PTPRD: variants seen among roughly 807,000 people sequenced by gnomAD.
The protein encoded by PTPRD is receptor-type tyrosine-protein phosphatase delta.
In PTPRD, 34 loss-of-function variants were observed where a neutral mutation model predicts 214.5. That is an observed-to-expected ratio of 0.16 (90% CI 0.12 to 0.21). PTPRD has a LOEUF of 0.21. Among genes scored for constraint, PTPRD ranks in the 10% least tolerant of loss-of-function variants. The pLI, the probability that PTPRD is intolerant of heterozygous loss-of-function variation, is 1.00. For synonymous variants in PTPRD, 1,128 were observed against 845.7 expected (o/e 1.33, Z -5.79); for missense variants, 2,545 against 2,398.7 (o/e 1.06, Z -1.27).
At chr9:9,906,687 T>C (rs891810066) in intron 5 of PTPRD, among the ~76,000 whole-genome samples, 1 of 152,000 alleles carries the variant, frequency 6.6e-6, no homozygotes, top group Admixed American at 6.6e-5. Context: ...TAGAATGTAT[T>C]ATATGTAGAC....
At chr9:9,601,690 G>T (rs976578935) in intron 7 of PTPRD, among the ~76,000 whole-genome samples, 3 of 151,984 alleles carry the variant, frequency 2.0e-5, no homozygotes, top group Non-Finnish European at 4.4e-5. Flanking sequence ...AATAATAAGG[G>T]ACTACTGTGT....
Position 9,076,788 on chromosome 9 carries a change from T to A in PTPRD, c.-142-58053A>T, listed in dbSNP as rs554130171. Among the ~76,000 whole-genome samples the A allele has an allele frequency of 3.3e-3, 377 of 112,948 alleles. 6 individuals carry two copies. Among genetic ancestry groups the A allele is most frequent in the Non-Finnish European group, 2.8e-3 (142 of 50,114 alleles). The allele number at this position is 112,948 out of a possible 152,430, so 74.1% of individuals were successfully genotyped here. The stretch of plus-strand genomic sequence containing the variant: ...TGCAGATATCTCTTCAATATGATAA[T>A]TTCCTTTTTTTTTTTTTTGGTTATA... On this transcript the variant is annotated intron_variant, in intron 10 of 45. Transcript: ENST00000381196.
Position 8,317,827 on chromosome 9 carries a change from G to A in PTPRD, c.*47C>T, listed in dbSNP as rs990927572. 1.0e-5 allele frequency: 16 copies of A among 1,558,568 alleles called. 1 individual carries two copies. The highest frequency in any genetic ancestry group is 1.4e-5 in the Non-Finnish European group (16 of 1,130,536). The stretch of plus-strand genomic sequence containing the variant: ...CTGTATGGCTCAGAAGAGACTCCAT[G>A]GATATTGAAGGGCCTGTAGTAAAAA... On this transcript the variant is annotated 3_prime_UTR_variant, in exon 46 of 46. Transcript: ENST00000381196.
At chr9:8,610,925 T>C (rs1188853161) in intron 14 of PTPRD, among the ~76,000 whole-genome samples, 1 of 152,166 alleles carries the variant, frequency 6.6e-6, no homozygotes, top group Non-Finnish European at 1.5e-5. Context: ...TGAAAGTAAG[T>C]TTTTCTAAGC....
intron 9 of PTPRD, among the ~76,000 whole-genome samples, chr9:9,373,047 T>C (rs749268665): frequency 2.1e-4 from 32 of 152,098 alleles, no homozygotes; most frequent in Non-Finnish European, 4.0e-4. Context: ...GTTATGTATC[T>C]TTAATTGCCA....
intron 8 of PTPRD, among the ~76,000 whole-genome samples, chr9:9,429,199 T>C (rs532603053): frequency 6.6e-6 from 1 of 151,738 alleles, no homozygotes; most frequent in South Asian, 2.1e-4. Context: ...AATAGAACAA[T>C]AAAAAATGAC....
Position 8,500,558 on chromosome 9 carries a change from G to GAAAAAAAAAAAAAAAAAAAAA in PTPRD, c.2128+175_2128+195dup, listed in dbSNP as rs146807692. ...TTACTGCATTGAGATTGAAAAAAAT[G>GAAAAAAAAAAAAAAAAAAAAA]AAAAAAAAAAAAAAAAAAAAAAAAA... is the stretch of plus-strand genomic sequence containing the variant. On this transcript the variant is annotated intron_variant, in intron 24 of 45. Transcript: ENST00000381196. 8.4e-4 allele frequency among the ~76,000 whole-genome samples: 12 copies of GAAAAAAAAAAAAAAAAAAAAA among 14,314 alleles called. 4 individuals are homozygous for GAAAAAAAAAAAAAAAAAAAAA. The highest frequency in any genetic ancestry group is 2.2e-3 in the African/African-American group (7 of 3,192). The allele number at this position is 14,314 out of a possible 152,430, so 9.4% of individuals were successfully genotyped here.
At chr9:10,453,132 T>C (rs530860808) in intron 2 of PTPRD, among the ~76,000 whole-genome samples, 3 of 151,722 alleles carry the variant, frequency 2.0e-5, no homozygotes, top group Non-Finnish European at 4.4e-5. Context: ...TGCCCATATA[T>C]AGATGATTTT....
At chr9:9,772,473 T>C (rs1211132731) in intron 5 of PTPRD, among the ~76,000 whole-genome samples, 1 of 152,160 alleles carries the variant, frequency 6.6e-6, no homozygotes, top group Non-Finnish European at 1.5e-5. Flanking sequence ...ATTTTACATT[T>C]AACATTTATC....
At chr9:10,372,293 G>A (rs369158361) in intron 2 of PTPRD, among the ~76,000 whole-genome samples, 29 of 152,080 alleles carry the variant, frequency 1.9e-4, no homozygotes, top group African/African-American at 6.7e-4. Context: ...AATGCCCTCT[G>A]TTTTGTTGTT....
chr9:9,495,838 G>A (rs1384059935), intron 8 of PTPRD, among the ~76,000 whole-genome samples: 2 of 152,178 alleles, frequency 1.3e-5, no homozygotes, highest in Non-Finnish European at 2.9e-5. Flanking sequence ...CACCCCACGT[G>A]ATGAGGCAAT....
At chr9:9,261,745 G>A (rs2099980209) in intron 9 of PTPRD, among the ~76,000 whole-genome samples, 1 of 151,632 alleles carries the variant, frequency 6.6e-6, no homozygotes, top group Admixed American at 6.6e-5. Flanking sequence ...AAGAGCTTGA[G>A]TAAGATCATT....
rs540005045 is a variant in PTPRD at position 10,144,273 on chromosome 9, C to T, written c.-544-110483G>A. Among the ~76,000 whole-genome samples the T allele has an allele frequency of 3.3e-5, 5 of 152,086 alleles. No individual in the cohort carries two copies. The South Asian group carries it at 1.0e-3, about 32-fold the overall frequency. On this transcript the variant is annotated intron_variant, in intron 3 of 45. Transcript: ENST00000381196. ...AAAAAATTCTTTAATACTCTTCTCT[C>T]CAAAAAGTAACATCTGTTCCCCATT...
At chr9:10,452,946 T>C (rs536459463) in intron 2 of PTPRD, among the ~76,000 whole-genome samples, 1 of 151,030 alleles carries the variant, frequency 6.6e-6, no homozygotes, top group Non-Finnish European at 1.5e-5. Context: ...TTGGGAGTTT[T>C]ATGGTTTCAG....
At chr9:9,117,937 G>T (rs976386485) in intron 10 of PTPRD, among the ~76,000 whole-genome samples, 2 of 152,076 alleles carry the variant, frequency 1.3e-5, no homozygotes, top group Non-Finnish European at 2.9e-5. Flanking sequence ...TTTACACGAT[G>T]TTGATGCTGT....
rs530884091 is a variant in PTPRD, at chr9:8,774,932, T to C, written c.-103-40986A>G. Among the ~76,000 whole-genome samples the C allele has an allele frequency of 2.7e-4, 41 of 152,298 alleles. No homozygotes were observed. The South Asian group carries it at 5.4e-3, about 20-fold the overall frequency. ...TCATTATATGGTGCCATATTTTCAA[T>C]TGAAAATATAGTGAATATAAAGGAA... On this transcript the variant is annotated intron_variant, in intron 11 of 45. Coordinates refer to ENST00000381196, the MANE Select transcript of PTPRD (RefSeq NM_002839.4).
Position 9,316,118 on chromosome 9 carries a change from A to T in PTPRD, c.-203+81331T>A, listed in dbSNP as rs149629447. On this transcript the variant is annotated intron_variant, in intron 9 of 45. Transcript: ENST00000381196. Reference sequence around the variant, plus strand: ...TCAATTAGGATGTGCTTGCTTGAAAACACCCTTCATCTTTCATCTTATACC... The same window carrying T: ...TCAATTAGGATGTGCTTGCTTGAAATCACCCTTCATCTTTCATCTTATACC... Among the ~76,000 whole-genome samples, 4 of 151,970 alleles carry T rather than the reference A, an allele frequency of 2.6e-5. No individual in the cohort carries two copies. The East Asian group carries it at 7.8e-4, about 30-fold the overall frequency.
At chr9:10,412,392 T>C (rs1388838800) in intron 2 of PTPRD, among the ~76,000 whole-genome samples, 1 of 151,502 alleles carries the variant, frequency 6.6e-6, no homozygotes, top group Non-Finnish European at 1.5e-5. Flanking sequence ...AACAGACCAA[T>C]AATTAGCTTC....
At chr9:8,676,528 G>T (rs1315661380) in intron 12 of PTPRD, among the ~76,000 whole-genome samples, 2 of 150,782 alleles carry the variant, frequency 1.3e-5, no homozygotes, top group African/African-American at 2.4e-5. Flanking sequence ...GATTACAGGT[G>T]CCTGCCACCA....
Sources: gnomAD v4.1 joint callset for allele counts (sites outside exome capture counted in the v4.1 genomes callset) on GRCh38, gnomAD v4.1.1 for gene constraint, MANE v1.5 for transcripts, NCBI Gene and HGNC (gene_info 2026-07-23, HGNC 2026-07-21) for gene names.